AGO4: variants seen among roughly 807,000 people sequenced by gnomAD.
The protein encoded by AGO4 is protein argonaute-4.
A neutral mutation model predicts 104.7 loss-of-function variants in AGO4; 33 were observed. The observed-to-expected ratio is 0.32, with a 90% CI of 0.24 to 0.42. AGO4 has a LOEUF of 0.42. AGO4 is among the 10% of genes least tolerant of loss of function. AGO4 has a pLI of 1.00. For synonymous variants in AGO4, 331 were observed against 364.7 expected, an observed-to-expected ratio of 0.91 and a Z score of 1.05; for missense variants, 711 against 1,083.4, an observed-to-expected ratio of 0.66 and a Z score of 4.83.
At chr1:35,845,027 T>A (rs577482999) in intron 15 of AGO4, among the ~76,000 whole-genome samples, 95 of 152,314 alleles carry the variant, frequency 6.2e-4, no homozygotes, top group African/African-American at 2.1e-3. Flanking sequence ...CCACACTGAC[T>A]TCTTTGTAGC....
intron 9 of AGO4, 23 bp from the exon 10 acceptor site, chr1:35,832,034 A>G (rs766612636): frequency 6.8e-6 from 11 of 1,607,026 alleles, no homozygotes; most frequent in South Asian, 1.1e-5. Flanking sequence ...GTTTTTATAT[A>G]TGCAGGCTTT....
At chr1:35,843,622 C>T (rs1403792924) in intron 15 of AGO4, among the ~76,000 whole-genome samples, 1 of 151,734 alleles carries the variant, frequency 6.6e-6, no homozygotes, top group Non-Finnish European at 1.5e-5. Flanking sequence ...TAGACCAGCA[C>T]ATGTCAAATA....
At chr1:35,807,813 T>G (rs1048883587), upstream of AGO4, among the ~76,000 whole-genome samples, 1 of 152,108 alleles carries the variant, frequency 6.6e-6, no homozygotes, top group African/African-American at 2.4e-5. Flanking sequence ...TCAGTACACT[T>G]TCCACTCACA....
intron 10 of AGO4, 70 bp downstream of exon 10, chr1:35,832,255 C>G (rs1384016612): frequency 3.2e-6 from 5 of 1,579,298 alleles, no homozygotes; most frequent in Non-Finnish European, 4.3e-6. Flanking sequence ...CAGGGTTTCT[C>G]TACTCTGCCA....
At chr1:35,852,668 T>C (rs993496098) in intron 17 of AGO4, among the ~76,000 whole-genome samples, 1 of 152,226 alleles carries the variant, frequency 6.6e-6, no homozygotes, top group Non-Finnish European at 1.5e-5. Flanking sequence ...GCTGCTTTCT[T>C]GGAGTTTATA....
chr1:35,831,959 G>C, intron 9 of AGO4, 28 bp downstream of exon 9: 1 of 1,611,020 alleles, frequency 6.2e-7, no homozygotes, highest in South Asian at 1.1e-5. Context: ...TTCAAGATGA[G>C]CTAGCTTTGA....
chr1:35,830,002 C>CA (rs1557563547), intron 7 of AGO4, among the ~76,000 whole-genome samples: 2 of 150,990 alleles, frequency 1.3e-5, no homozygotes, highest in African/African-American at 4.9e-5. Context: ...ATAAAAAATA[C>CA]AAAAAAATTA....
rs1644310456 is a variant in AGO4, at chr1:35,836,237, A to G, written c.1724+244A>G. 1.3e-5 allele frequency among the ~76,000 whole-genome samples: 2 copies of G among 152,118 alleles called. 1 individual carries two copies. The highest frequency in any genetic ancestry group is 4.1e-4 in the South Asian group (2 of 4,832). ...ATTCTGATGTCTATCACCTATCCAG[A>G]TTACTTTTGCCCATTTTTGAGCTTC... is the stretch of plus-strand genomic sequence containing the variant. On this transcript the variant is annotated intron_variant, in intron 13 of 17. Coordinates refer to ENST00000373210, the MANE Select transcript of AGO4 (RefSeq NM_017629.4).
intron 15 of AGO4, among the ~76,000 whole-genome samples, chr1:35,847,019 A>C (rs1342318650): frequency 6.6e-6 from 1 of 152,136 alleles, no homozygotes; most frequent in East Asian, 1.9e-4. Context: ...TCCATCTCAA[A>C]AAACAAAAAT....
chr1:35,822,518 T>G (rs1002793464), intron 2 of AGO4, among the ~76,000 whole-genome samples: 1 of 152,122 alleles, frequency 6.6e-6, no homozygotes, highest in Non-Finnish European at 1.5e-5. Flanking sequence ...CCTCCCAAAG[T>G]GCTGGGATTA....
In AGO4 at chr1:35,826,733, T is replaced by A. The variant is rs754862521; in HGVS notation, c.761-15T>A. 3.3e-5 allele frequency: 53 copies of A among 1,610,906 alleles called. No homozygotes were observed. Among genetic ancestry groups the A allele is most frequent in the Non-Finnish European group, 4.2e-5 (49 of 1,177,654 alleles). The stretch of plus-strand genomic sequence containing the variant: ...TTTAATTAACTGATGTTTTGCCTTT[T>A]AAAAAAAATTTCAGGTCTCAAAGTT... On this transcript the variant is annotated splice_polypyrimidine_tract_variant and intron_variant, in intron 6 of 17. Coordinates refer to ENST00000373210, the MANE Select transcript of AGO4 (RefSeq NM_017629.4).
At chr1:35,821,220 A>C (rs778987239) in intron 2 of AGO4, among the ~76,000 whole-genome samples, 2 of 152,226 alleles carry the variant, frequency 1.3e-5, no homozygotes, top group Non-Finnish European at 1.5e-5. Context: ...ACTCTTTTCT[A>C]GTATGAAAAC....
At chr1:35,830,803 C>G (rs192768766) in intron 7 of AGO4, among the ~76,000 whole-genome samples, 2 of 151,584 alleles carry the variant, frequency 1.3e-5, no homozygotes, top group Non-Finnish European at 1.5e-5. Context: ...CGGTGAAACC[C>G]CATCTCTACT....
chr1:35,825,805 C>G lies in AGO4; in HGVS notation c.615C>G (p.Leu205=). ...GACCTGCCATGTGGAATATGATGCTCAACATTGATGGTAGGATGGAACTCT... is the reference window on the plus strand; with the variant it reads ...GACCTGCCATGTGGAATATGATGCTGAACATTGATGGTAGGATGGAACTCT... ...SVRPAMWNMM[L]NIDVSATAFY... is the part of the protein sequence containing the mutation. Residue 205 remains leucine, a synonymous_variant, in exon 5 of 18, where the codon CTC becomes CTG. Coordinates refer to ENST00000373210, the MANE Select transcript of AGO4 (RefSeq NM_017629.4). 1.3e-6 allele frequency: 2 copies of G among 1,587,076 alleles called. No individual in the cohort carries two copies. Among genetic ancestry groups the G allele is most frequent in the South Asian group, 2.3e-5 (2 of 86,212 alleles).
rs935802044 is a variant in AGO4 at position 35,808,338 on chromosome 1, C to CGCGGCGGCG, written c.-62_-54dup. 51 of 860,798 alleles carry CGCGGCGGCG rather than the reference C, an allele frequency of 5.9e-5. No individual in the cohort carries two copies. The East Asian group carries it at 1.1e-3, about 19-fold the overall frequency. The allele number at this position is 860,798 out of a possible 1,614,324, so 53.3% of individuals were successfully genotyped here. A position where few individuals can be genotyped will look rare whatever the true frequency, so the allele number is the denominator to read the frequency against. Reference sequence around the variant, plus strand: ...CCAATATTCCGGAGATCAAGCGTTACGCGGCGGCGGCGGCGGCGGCGGCGG... The same window carrying CGCGGCGGCG: ...CCAATATTCCGGAGATCAAGCGTTACGCGGCGGCGGCGGCGGCGGCGGCGGCGGCGGCGG... On this transcript the variant is annotated 5_prime_UTR_variant, in exon 1 of 18. Transcript: ENST00000373210. This position sits in a 1 kb window ranked among gnomAD's most constrained non-coding sequence, Gnocchi z 5.2.
intron 15 of AGO4, among the ~76,000 whole-genome samples, chr1:35,849,686 C>CAAAA (rs58930702): frequency 1.4e-5 from 1 of 74,042 alleles, no homozygotes; most frequent in African/African-American, 5.1e-5. Context: ...GACGCTGTCT[C>CAAAA]AAAAAAAAAA....
chr1:35,823,688 C>T (rs61776938), intron 3 of AGO4, among the ~76,000 whole-genome samples: 3 of 151,720 alleles, frequency 2.0e-5, no homozygotes, highest in African/African-American at 7.3e-5. Flanking sequence ...GCCTCAGCCT[C>T]CCAAAGTGCT....
chr1:35,834,137 A>T lies in AGO4; in HGVS notation c.1527A>T (p.Leu509=). 1 of 1,607,306 alleles carries T rather than the reference A, an allele frequency of 6.2e-7. No homozygotes were observed. Among genetic ancestry groups the T allele is most frequent in the Non-Finnish European group, 8.5e-7 (1 of 1,177,378 alleles). ...HLKMTYVGLQ[L]IVVILPGKTP... Reference sequence around the variant, plus strand: ...AAATGACTTATGTGGGCCTACAGCTAATAGTGGTTATCCTGCCTGGAAAGA... The same window carrying T: ...AAATGACTTATGTGGGCCTACAGCTTATAGTGGTTATCCTGCCTGGAAAGA... The change falls in exon 12 of 18, where the codon CTA becomes CTT. Residue 509 remains leucine, a synonymous_variant. Coordinates refer to ENST00000373210, the MANE Select transcript of AGO4 (RefSeq NM_017629.4).
intron 7 of AGO4, among the ~76,000 whole-genome samples, chr1:35,831,084 A>G (rs1463411433): frequency 2.0e-5 from 3 of 151,254 alleles, no homozygotes; most frequent in East Asian, 2.0e-4. Context: ...GAATTTGGCC[A>G]GTCACAGTGG....
Sources: allele counts gnomAD v4.1 joint callset (sites outside exome capture counted in the v4.1 genomes callset), GRCh38; gene constraint gnomAD v4.1.1; non-coding constraint Gnocchi (gnomAD v3.1); transcripts MANE v1.5; gene names NCBI Gene and HGNC (gene_info 2026-07-23, HGNC 2026-07-21).